Variants in AKAP6 observed in about 807,000 individuals in gnomAD.
AKAP6 encodes the protein A-kinase anchor protein 6.
A neutral mutation model predicts 188.5 loss-of-function variants in AKAP6; 58 were observed. That is an observed-to-expected ratio of 0.31 (90% CI 0.25 to 0.38). AKAP6 has a LOEUF of 0.38. AKAP6 is among the 10% of genes least tolerant of loss of function. The pLI, the probability that AKAP6 is intolerant of heterozygous loss-of-function variation, is 1.00. For missense variants in AKAP6, 2,710 were observed against 2,740.0 expected (o/e 0.99, Z 0.24); for synonymous variants, 989 against 998.6 (o/e 0.99, Z 0.18).
chr14:32,671,887 T>C (rs1398782067), intron 7 of AKAP6, among the ~76,000 whole-genome samples: 1 of 152,202 alleles, frequency 6.6e-6, no homozygotes, highest in Non-Finnish European at 1.5e-5. Flanking sequence ...ATCAGTCAAA[T>C]TAGCAAAAAG....
intron 12 of AKAP6, among the ~76,000 whole-genome samples, chr14:32,779,745 TA>T (rs572711955): frequency 6.6e-6 from 1 of 152,286 alleles, no homozygotes; most frequent in East Asian, 1.9e-4. Context: ...TTTTTCTCAA[TA>T]GCTGATAGAC....
Position 32,834,922 on chromosome 14 carries a change from G to C in AKAP6, c.*5117G>C, listed in dbSNP as rs1410283412. 1 of 152,160 alleles carries C rather than the reference G, an allele frequency of 6.6e-6. No homozygotes were observed. The highest frequency in any genetic ancestry group is 2.1e-4 in the South Asian group (1 of 4,830). The allele number at this position is 152,160 out of a possible 1,614,324, so 9.4% of individuals were successfully genotyped here. ...GGTTTGACCCATTTGAACAATTGAC[G>C]AGCTTCAAACAATTTTTACATTTTT... On this transcript the variant is annotated 3_prime_UTR_variant, in exon 14 of 14. Coordinates refer to ENST00000280979, the MANE Select transcript of AKAP6 (RefSeq NM_004274.5).
At chr14:32,374,337 C>T (rs1047035317) in intron 1 of AKAP6, among the ~76,000 whole-genome samples, 4 of 152,078 alleles carry the variant, frequency 2.6e-5, no homozygotes, top group Non-Finnish European at 4.4e-5. Context: ...TAACTTTGTC[C>T]GGGGAGTCAT....
chr14:32,651,035 G>C (rs926796218), intron 7 of AKAP6, among the ~76,000 whole-genome samples: 6 of 152,152 alleles, frequency 3.9e-5, no homozygotes, highest in Non-Finnish European at 5.9e-5. Context: ...GAAATACAGA[G>C]AGACAACTAG....
At chr14:32,464,179 G>T (rs993598680) in intron 2 of AKAP6, among the ~76,000 whole-genome samples, 1 of 152,206 alleles carries the variant, frequency 6.6e-6, no homozygotes, top group African/African-American at 2.4e-5. Context: ...AGAGGAGCTG[G>T]TATCATTCCT....
chr14:32,547,486 C>G (rs1002574610), intron 4 of AKAP6, among the ~76,000 whole-genome samples: 2 of 151,614 alleles, frequency 1.3e-5, no homozygotes, highest in African/African-American at 4.8e-5. Flanking sequence ...TCTTTTTTTT[C>G]TTTACTCTTC....
intron 1 of AKAP6, among the ~76,000 whole-genome samples, chr14:32,399,202 C>A (rs1888999350): frequency 6.6e-6 from 1 of 152,130 alleles, no homozygotes; most frequent in African/African-American, 2.4e-5. Flanking sequence ...AAATGAAACA[C>A]TTCTTATTTA....
chr14:32,352,071 C>CTG lies in AKAP6; in HGVS notation c.-35+22693_-35+22694dup, dbSNP rs147604276. 9.0e-3 allele frequency among the ~76,000 whole-genome samples: 1,209 copies of CTG among 134,004 alleles called. 8 individuals carry two copies. The highest frequency in any genetic ancestry group is 0.013 in the Non-Finnish European group (858 of 63,596). 87.9% of individuals were successfully genotyped at this position (134,004 alleles called of 152,430 possible). ...TGCTTTTGTGTAGTCTTGGGAGACC[C>CTG]TGTGTGTGTGTGTGTGTGTGTGTGT... is the stretch of plus-strand genomic sequence containing the variant. On this transcript the variant is annotated intron_variant, in intron 1 of 13. Coordinates refer to ENST00000280979, the MANE Select transcript of AKAP6 (RefSeq NM_004274.5).
At chr14:32,586,180 T>C (rs1370082947) in intron 5 of AKAP6, among the ~76,000 whole-genome samples, 1 of 152,146 alleles carries the variant, frequency 6.6e-6, no homozygotes. Context: ...TTTATCAGTT[T>C]TATGAATTGT....
chr14:32,500,803 C>A (rs910674364), intron 2 of AKAP6, among the ~76,000 whole-genome samples: 2 of 152,134 alleles, frequency 1.3e-5, no homozygotes, highest in Non-Finnish European at 2.9e-5. Context: ...GTATGATGGT[C>A]ATAGTCACCA....
intron 9 of AKAP6, among the ~76,000 whole-genome samples, chr14:32,731,643 A>G (rs1173775758): frequency 6.6e-6 from 1 of 152,138 alleles, no homozygotes; most frequent in Admixed American, 6.6e-5. Context: ...GAGTTTTTAC[A>G]TGTACATTTA....
At chr14:32,433,271 A>G (rs1311180590) in intron 1 of AKAP6, 189 bp from the exon 2 acceptor site, 1 of 511,160 alleles carries the variant, frequency 2.0e-6, no homozygotes, top group Admixed American at 3.3e-5. Context: ...TTATGTTCAT[A>G]TTATTTCCTG....
chr14:32,499,328 CAAAA>C (rs71432061), intron 2 of AKAP6, among the ~76,000 whole-genome samples: 3 of 111,090 alleles, frequency 2.7e-5, no homozygotes, highest in Non-Finnish European at 5.5e-5. Flanking sequence ...AGTGTAACAG[CAAAA>C]AAAAAAAAAA....
intron 9 of AKAP6, among the ~76,000 whole-genome samples, chr14:32,707,064 C>A (rs1008733079): frequency 6.6e-6 from 1 of 152,058 alleles, no homozygotes; most frequent in Non-Finnish European, 1.5e-5. Flanking sequence ...CCCTTGTCAT[C>A]TCATTTTAGC....
chr14:32,614,896 T>C (rs898753890), intron 7 of AKAP6, among the ~76,000 whole-genome samples: 3 of 151,632 alleles, frequency 2.0e-5, no homozygotes, highest in Non-Finnish European at 4.4e-5. Context: ...CAAGGCTGGG[T>C]GCGGTGGCTC....
intron 2 of AKAP6, among the ~76,000 whole-genome samples, chr14:32,440,607 T>C (rs993677755): frequency 6.6e-6 from 1 of 152,182 alleles, no homozygotes; most frequent in African/African-American, 2.4e-5. Context: ...TCAAGATCTT[T>C]GATATATACT....
Position 32,545,249 on chromosome 14 carries a change from C to G in AKAP6, c.596C>G (p.Thr199Arg). 4 of 1,612,900 alleles carry G rather than the reference C, an allele frequency of 2.5e-6. No homozygotes were observed. Among genetic ancestry groups the G allele is most frequent in the Non-Finnish European group, 3.4e-6 (4 of 1,179,038 alleles). The part of the protein sequence containing the change: ...ETKEGRLDSL[T>R]EVDDSGQLTI... Reference sequence around the variant, plus strand: ...TTTCAGGGCCGGCTTGATTCTCTAACAGAAGTGGATGACTCAGGACAATTA... The same window carrying G: ...TTTCAGGGCCGGCTTGATTCTCTAAGAGAAGTGGATGACTCAGGACAATTA... The change falls in exon 4 of 14, where the codon ACA (threonine) becomes AGA (arginine). Residue 199 changes from threonine (T) to arginine (R), a missense_variant. Thr to Arg is a moderately conservative substitution (Grantham distance 71). Around this residue, in one of 2 missense-constraint regions of AKAP6, gnomAD observed 237 missense variants for 313.9 expected, o/e 0.76. Transcript: ENST00000280979.
intron 1 of AKAP6, among the ~76,000 whole-genome samples, chr14:32,373,114 A>G (rs1487325491): frequency 6.6e-6 from 1 of 151,852 alleles, no homozygotes; most frequent in African/African-American, 2.4e-5. Context: ...GTGGGGTATA[A>G]GTGTAACTGC....
chr14:32,787,993 A>G (rs549464658), intron 12 of AKAP6, among the ~76,000 whole-genome samples: 17 of 146,736 alleles, frequency 1.2e-4, no homozygotes, highest in Admixed American at 2.1e-4. Context: ...ATGAGCCGTA[A>G]TTATACCACT....
Sources: allele counts gnomAD v4.1 joint callset (sites outside exome capture counted in the v4.1 genomes callset), GRCh38; gene constraint gnomAD v4.1.1; regional missense constraint gnomAD v4.1.1; transcripts MANE v1.5; gene names NCBI Gene and HGNC (gene_info 2026-07-23, HGNC 2026-07-21).